Variants in CFTR observed in about 807,000 individuals in gnomAD.
CFTR encodes the protein cystic fibrosis transmembrane conductance regulator.
A neutral mutation model predicts 171.6 loss-of-function variants in CFTR; 181 were observed. The ratio of observed to expected loss-of-function variants is 1.05; its 90% CI spans 0.93 to 1.19. The LOEUF is 1.19. Ranked by LOEUF, CFTR falls within the 50% of genes most tolerant of loss-of-function variation. The pLI, the probability that CFTR is intolerant of heterozygous loss-of-function variation, is 0.00. For synonymous variants in CFTR, 583 were observed against 608.0 expected, an observed-to-expected ratio of 0.96 and a Z score of 0.60; for missense variants, 1,968 against 1,734.7, an observed-to-expected ratio of 1.13 and a Z score of -2.39.
chr7:117,517,867 C>T (rs1219135268), intron 3 of CFTR, among the ~76,000 whole-genome samples: 1 of 152,148 alleles, frequency 6.6e-6, no homozygotes, highest in East Asian at 1.9e-4. Flanking sequence ...TGAGAAGTGT[C>T]TGTTCATATC....
chr7:117,552,059 A>G (rs756983424), intron 10 of CFTR, among the ~76,000 whole-genome samples: 1 of 152,124 alleles, frequency 6.6e-6, no homozygotes, highest in Non-Finnish European at 1.5e-5. Flanking sequence ...TAAAAACATC[A>G]TTGAATATAT....
intron 11 of CFTR, among the ~76,000 whole-genome samples, chr7:117,561,685 TGAAAATA>T (rs1791498031): frequency 1.3e-5 from 2 of 152,188 alleles, no homozygotes; most frequent in African/African-American, 4.8e-5. Context: ...GAGCTGGAGA[TGAAAATA>T]TGTGTAGAAC....
chr7:117,574,110 C>T (rs1463762488), intron 11 of CFTR, among the ~76,000 whole-genome samples: 1 of 151,914 alleles, frequency 6.6e-6, no homozygotes, highest in African/African-American at 2.4e-5. Context: ...AAAACCAACA[C>T]CCTTAAGATA....
At chr7:117,665,615 T>A (rs764142387) in intron 26 of CFTR, 51 bp downstream of exon 26, 1 of 1,139,884 alleles carries the variant, frequency 8.8e-7, no homozygotes, top group Admixed American at 1.7e-5. Context: ...TAATTCTTGA[T>A]AACAATCTCA....
chr7:117,641,251 G>A (rs1792906556), intron 22 of CFTR, among the ~76,000 whole-genome samples: 1 of 152,162 alleles, frequency 6.6e-6, no homozygotes, highest in South Asian at 2.1e-4. Context: ...TTCTTATTAA[G>A]GGTTGTTATG....
At chr7:117,537,019 A>G (rs1427789547) in intron 7 of CFTR, among the ~76,000 whole-genome samples, 2 of 152,230 alleles carry the variant, frequency 1.3e-5, no homozygotes, top group Non-Finnish European at 2.9e-5. Flanking sequence ...CTGGGAGAGT[A>G]TACAATTCTG....
At position 117,535,420 on chromosome 7, in the gene CFTR, C is replaced by G; in HGVS notation, c.743+9C>G. 1 of 1,613,398 alleles carries G rather than the reference C, an allele frequency of 6.2e-7. No homozygotes were observed. Among genetic ancestry groups the G allele is most frequent in the Non-Finnish European group, 8.5e-7 (1 of 1,179,630 alleles). ...ATGATGATGAAGTACAGGTAGCAAC[C>G]TATTTTCATAACTTGAAAGTTTTAA... On this transcript the variant is annotated intron_variant, in intron 6 of 26. Transcript: ENST00000003084.
chr7:117,587,399 A>G (rs1022355427), intron 11 of CFTR, among the ~76,000 whole-genome samples: 4 of 152,156 alleles, frequency 2.6e-5, no homozygotes, highest in Non-Finnish European at 4.4e-5. Context: ...GTATGTTGAT[A>G]ACATTTGAAT....
At chr7:117,559,754 T>C in intron 11 of CFTR, 99 bp downstream of exon 11, 1 of 802,526 alleles carries the variant, frequency 1.2e-6, no homozygotes, top group Non-Finnish European at 2.1e-6. Context: ...AGTCTACATA[T>C]ATTTATGTTT....
Position 117,535,428 on chromosome 7 carries a change from A to T in CFTR, c.743+17A>T, listed in dbSNP as rs1205615073. On this transcript the variant is annotated intron_variant, in intron 6 of 26. Coordinates refer to ENST00000003084, the MANE Select transcript of CFTR (RefSeq NM_000492.4). ...GAAGTACAGGTAGCAACCTATTTTC[A>T]TAACTTGAAAGTTTTAAAAATTATG... is the stretch of plus-strand genomic sequence containing the variant. The T allele has an allele frequency of 6.2e-7, 1 of 1,613,378 alleles. No homozygotes were observed. The highest frequency in any genetic ancestry group is 8.5e-7 in the Non-Finnish European group (1 of 1,179,408).
chr7:117,515,043 G>A (rs1449179531), intron 3 of CFTR, among the ~76,000 whole-genome samples: 1 of 151,960 alleles, frequency 6.6e-6, no homozygotes, highest in East Asian at 1.9e-4. Context: ...GTAAATTCTG[G>A]AAATTAGATC....
At chr7:117,521,410 G>A (rs988557704) in intron 3 of CFTR, among the ~76,000 whole-genome samples, 2 of 151,942 alleles carry the variant, frequency 1.3e-5, no homozygotes, top group Non-Finnish European at 2.9e-5. Flanking sequence ...TATAATTATG[G>A]CATTGATTGT....
chr7:117,498,512 T>C (rs1230025500), intron 1 of CFTR, among the ~76,000 whole-genome samples: 2 of 152,204 alleles, frequency 1.3e-5, no homozygotes, highest in Non-Finnish European at 2.9e-5. Flanking sequence ...TTTAGAGAGC[T>C]GGATAGTATC....
chr7:117,580,279 A>G (rs1030153471), intron 11 of CFTR, among the ~76,000 whole-genome samples: 3 of 152,132 alleles, frequency 2.0e-5, no homozygotes, highest in African/African-American at 7.2e-5. Flanking sequence ...ACAGGAGAAC[A>G]ATTCAGATGG....
intron 4 of CFTR, 72 bp downstream of exon 4, chr7:117,531,186 G>C: frequency 8.5e-7 from 1 of 1,181,730 alleles, no homozygotes; most frequent in Non-Finnish European, 1.2e-6. Flanking sequence ...CATAAATTAG[G>C]TAGTGAGCTG....
Position 117,594,984 on chromosome 7 carries a change from T to C in CFTR, c.2545T>C (p.Tyr849His), listed in dbSNP as rs757165481. 6.2e-7 allele frequency: 1 copy of C among 1,612,932 alleles called. No individual in the cohort carries two copies. Among genetic ancestry groups the C allele is most frequent in the Non-Finnish European group, 8.5e-7 (1 of 1,179,232 alleles). ...ACCAGCAGTGACTACATGGAACACA[T>C]ACCTTCGATATATTACTGTCCACAA... ...SIPAVTTWNT[Y>H]LRYITVHKSL... The change falls in exon 15 of 27, where the codon TAC becomes CAC. Residue 849 changes from tyrosine to histidine, a missense_variant. Transcript: ENST00000003084.
chr7:117,621,773 A>G (rs1475874225), intron 21 of CFTR, among the ~76,000 whole-genome samples: 1 of 152,238 alleles, frequency 6.6e-6, no homozygotes, highest in Non-Finnish European at 1.5e-5. Flanking sequence ...GAAGCTACAT[A>G]GATCCAATTG....
At chr7:117,582,861 G>C (rs1367166399) in intron 11 of CFTR, among the ~76,000 whole-genome samples, 1 of 152,158 alleles carries the variant, frequency 6.6e-6, no homozygotes, top group Non-Finnish European at 1.5e-5. Flanking sequence ...AAGGAGGGCT[G>C]TTTCTGGTCT....
chr7:117,597,074 GCC>G (rs1253295610), intron 15 of CFTR, among the ~76,000 whole-genome samples: 1 of 152,204 alleles, frequency 6.6e-6, no homozygotes, highest in East Asian at 1.9e-4. Context: ...GGCTGCCTGA[GCC>G]AGAAGTGGCA....
Sources: allele counts gnomAD v4.1 joint callset (sites outside exome capture counted in the v4.1 genomes callset), GRCh38; gene constraint gnomAD v4.1.1; transcripts MANE v1.5; gene names NCBI Gene and HGNC (gene_info 2026-07-23, HGNC 2026-07-21).